Variants in FHIT observed in about 807,000 individuals in gnomAD.
FHIT encodes fragile histidine triad diadenosine triphosphatase.
A neutral mutation model predicts 17.9 loss-of-function variants in FHIT; 19 were observed. The ratio of observed to expected loss-of-function variants is 1.06; its 90% CI spans 0.74 to 1.56. The LOEUF (loss-of-function observed/expected upper bound fraction) is 1.56, where lower values mean the gene tolerates loss of function less well. Ranked by LOEUF, FHIT falls within the 40% of genes most tolerant of loss-of-function variation. The pLI, the probability that FHIT is intolerant of heterozygous loss-of-function variation, is 0.00. For synonymous variants in FHIT, 81 were observed against 69.7 expected (o/e 1.16, Z -0.81); for missense variants, 248 against 189.2 (o/e 1.31, Z -1.82).
At chr3:60,103,060 CT>C in intron 5 of FHIT, among the ~76,000 whole-genome samples, 1 of 152,288 alleles carries the variant, frequency 6.6e-6, no homozygotes, top group African/African-American at 2.4e-5. Context: ...CCCATTGCTT[CT>C]TTTTAATAAA....
At chr3:60,974,136 T>A (rs1452952930) in intron 3 of FHIT, among the ~76,000 whole-genome samples, 1 of 152,218 alleles carries the variant, frequency 6.6e-6, no homozygotes. Context: ...TACCACTTTT[T>A]AAAAATTAAT....
chr3:60,728,058 G>T (rs944899496), intron 4 of FHIT, among the ~76,000 whole-genome samples: 3 of 152,172 alleles, frequency 2.0e-5, no homozygotes, highest in Admixed American at 2.0e-4. Context: ...CAAATAGGAA[G>T]GAAAATGCCT....
Position 60,550,195 on chromosome 3 carries a change from C to T in FHIT, c.-17-13216G>A, listed in dbSNP as rs542887351. On this transcript the variant is annotated intron_variant, in intron 4 of 9. Transcript: ENST00000492590. ...TGATCTGGCCCCGCTCTGAAACATACTTTATTGATGACTTGGAAAACAAGG... is the reference window on the plus strand; with the variant it reads ...TGATCTGGCCCCGCTCTGAAACATATTTTATTGATGACTTGGAAAACAAGG... Among the ~76,000 whole-genome samples the T allele has an allele frequency of 1.6e-3, 248 of 152,282 alleles. 2 individuals carry two copies. The highest frequency in any genetic ancestry group is 2.2e-3 in the Non-Finnish European group (151 of 68,024).
chr3:61,020,986 T>C (rs1045596499), intron 3 of FHIT, among the ~76,000 whole-genome samples: 1 of 152,116 alleles, frequency 6.6e-6, no homozygotes, highest in African/African-American at 2.4e-5. Flanking sequence ...GAGCTAACTA[T>C]CCTAAATATA....
intron 5 of FHIT, among the ~76,000 whole-genome samples, chr3:60,416,298 A>C (rs1273809292): frequency 6.6e-6 from 1 of 152,210 alleles, no homozygotes; most frequent in African/African-American, 2.4e-5. Flanking sequence ...TACAACCAAT[A>C]AAAGGGCATT....
At chr3:60,813,743 A>G (rs1286743140) in intron 4 of FHIT, among the ~76,000 whole-genome samples, 5 of 152,196 alleles carry the variant, frequency 3.3e-5, no homozygotes, top group Non-Finnish European at 7.3e-5. Context: ...CTAGATTTGA[A>G]AAGACATAAA....
At chr3:60,825,903 C>G (rs1333740657) in intron 3 of FHIT, among the ~76,000 whole-genome samples, 1 of 151,970 alleles carries the variant, frequency 6.6e-6, no homozygotes, top group East Asian at 1.9e-4. Context: ...GGCAGGGGTA[C>G]AGGCAGCAAA....
intron 1 of FHIT, among the ~76,000 whole-genome samples, chr3:61,249,881 G>A (rs1336801009): frequency 1.4e-5 from 2 of 146,344 alleles, no homozygotes; most frequent in African/African-American, 2.5e-5. Flanking sequence ...TTGGAACACC[G>A]TATACAACAA....
At chr3:60,340,423 A>T (rs1200613599) in intron 5 of FHIT, among the ~76,000 whole-genome samples, 1 of 152,180 alleles carries the variant, frequency 6.6e-6, no homozygotes, top group Non-Finnish European at 1.5e-5. Flanking sequence ...CCCATGGCAG[A>T]CAATGGTAAT....
chr3:61,111,419 T>C (rs923156220), intron 2 of FHIT, among the ~76,000 whole-genome samples: 49 of 152,212 alleles, frequency 3.2e-4, no homozygotes, highest in African/African-American at 1.1e-3. Flanking sequence ...CACCTTTTGG[T>C]ATCTTAGGAC....
intron 5 of FHIT, among the ~76,000 whole-genome samples, chr3:60,476,144 G>A (rs9830999): frequency 0.39 from 58,866 of 152,018 alleles, 12,301 homozygotes; most frequent in East Asian, 0.53. Flanking sequence ...TCTCATTGAG[G>A]AGATATGCAC....
At chr3:60,160,374 T>A (rs1284652882) in intron 5 of FHIT, among the ~76,000 whole-genome samples, 2 of 152,234 alleles carry the variant, frequency 1.3e-5, no homozygotes, top group African/African-American at 2.4e-5. Context: ...CAGGACTTCC[T>A]GGCTTCCTCA....
intron 3 of FHIT, among the ~76,000 whole-genome samples, chr3:60,850,903 G>A (rs1553748081): frequency 6.6e-6 from 1 of 152,080 alleles, no homozygotes; most frequent in African/African-American, 2.4e-5. Context: ...AAGGCACACA[G>A]CTAAGTGAAT....
At chr3:60,569,667 C>G (rs906693174) in intron 4 of FHIT, among the ~76,000 whole-genome samples, 2 of 148,196 alleles carry the variant, frequency 1.3e-5, no homozygotes, top group African/African-American at 5.0e-5. Context: ...CATTTATACT[C>G]AATGGCAGTA....
At chr3:61,176,213 G>A (rs1183586775) in intron 2 of FHIT, among the ~76,000 whole-genome samples, 1 of 152,204 alleles carries the variant, frequency 6.6e-6, no homozygotes, top group Non-Finnish European at 1.5e-5. Context: ...GGCTCTTGGT[G>A]ACAAAGACAA....
At chr3:60,149,542 A>G (rs1354791421) in intron 5 of FHIT, among the ~76,000 whole-genome samples, 3 of 152,090 alleles carry the variant, frequency 2.0e-5, no homozygotes, top group African/African-American at 7.2e-5. Context: ...GCTCCATGGT[A>G]TCTGGAAGAT....
At chr3:60,900,117 T>C (rs1268622000) in intron 3 of FHIT, among the ~76,000 whole-genome samples, 3 of 152,196 alleles carry the variant, frequency 2.0e-5, no homozygotes, top group Non-Finnish European at 4.4e-5. Context: ...CTTTGTGAGG[T>C]CAGAAAGGCT....
At chr3:60,179,775 C>T (rs944936402) in intron 5 of FHIT, among the ~76,000 whole-genome samples, 1 of 152,132 alleles carries the variant, frequency 6.6e-6, no homozygotes, top group African/African-American at 2.4e-5. Flanking sequence ...GTCTAGAACA[C>T]TAAGGAAAAG....
At position 61,201,717 on chromosome 3, in the gene FHIT, A is replaced by G. The variant is rs145657904; in HGVS notation, c.-212-1052T>C. On this transcript the variant is annotated intron_variant, in intron 1 of 9. Coordinates refer to ENST00000492590, the MANE Select transcript of FHIT (RefSeq NM_002012.4). The stretch of plus-strand genomic sequence containing the variant: ...TTAATGCAGGAGGTAGGTCCCTTCT[A>G]TGGGACAGCATCAGAAATTTCTCCT... Among the ~76,000 whole-genome samples the G allele has an allele frequency of 8.7e-3, 1,304 of 150,320 alleles. 12 individuals carry two copies. Among genetic ancestry groups the G allele is most frequent in the Middle Eastern group, 0.031 (9 of 294 alleles).
Sources: gnomAD v4.1 joint callset for allele counts (sites outside exome capture counted in the v4.1 genomes callset) on GRCh38, gnomAD v4.1.1 for gene constraint, MANE v1.5 for transcripts, NCBI Gene and HGNC (gene_info 2026-07-23, HGNC 2026-07-21) for gene names.